The following CUEDC1 variants were observed in gnomAD, a reference collection of about 807,000 sequenced individuals.
The protein encoded by CUEDC1 is CUE domain-containing protein 1.
CUEDC1 carries 30 observed loss-of-function variants against 43.7 expected under a neutral mutation model. The observed-to-expected ratio is 0.69, with a 90% CI of 0.51 to 0.93. The LOEUF is 0.93. Ranked by LOEUF, CUEDC1 falls within the 40% of genes least tolerant of loss-of-function variation. The pLI is 0.00. For missense variants in CUEDC1, 486 were observed against 549.0 expected, an observed-to-expected ratio of 0.89 and a Z score of 1.15; for synonymous variants, 223 against 223.6, an observed-to-expected ratio of 1.00 and a Z score of 0.02.
rs1193598238 is a variant in CUEDC1, at chr17:57,870,711, C to CT, written c.868+574dup. ...TTTTTTTTGGAGACAGGGTCTCACTCTGTCACTCAAGCTGGAGTGCAGTGG... is the reference window on the plus strand; with the variant it reads ...TTTTTTTTGGAGACAGGGTCTCACTCTTGTCACTCAAGCTGGAGTGCAGTGG... On this transcript the variant is annotated intron_variant, in intron 6 of 10. Coordinates refer to ENST00000577830, the MANE Select transcript of CUEDC1 (RefSeq NM_001271875.2). Among the ~76,000 whole-genome samples the CT allele has an allele frequency of 5.3e-5, 8 of 150,980 alleles. No homozygotes were observed. The East Asian group carries it at 1.6e-3, about 29-fold the overall frequency.
chr17:57,884,826 CAGG>C (rs2074265001), intron 2 of CUEDC1, among the ~76,000 whole-genome samples: 1 of 152,218 alleles, frequency 6.6e-6, no homozygotes, highest in Non-Finnish European at 1.5e-5. Flanking sequence ...CTGTGAGCTC[CAGG>C]AGGGCAGAAA....
At chr17:57,863,794 G>A (rs751876178) in intron 10 of CUEDC1, among the ~76,000 whole-genome samples, 1 of 151,794 alleles carries the variant, frequency 6.6e-6, no homozygotes, top group Non-Finnish European at 1.5e-5. Context: ...CGAGGTCAGG[G>A]GTTTAAGACC....
At chr17:57,928,289 C>T (rs1453243755) in intron 1 of CUEDC1, among the ~76,000 whole-genome samples, 2 of 152,086 alleles carry the variant, frequency 1.3e-5, no homozygotes, top group African/African-American at 4.8e-5. Context: ...GTGGCTCACG[C>T]CTATAATCCC....
At chr17:57,942,233 T>C (rs2074923046) in intron 1 of CUEDC1, among the ~76,000 whole-genome samples, 1 of 152,086 alleles carries the variant, frequency 6.6e-6, no homozygotes, top group Admixed American at 6.5e-5. Context: ...TCTGAAGTCC[T>C]GAAAGAGAAC....
intron 1 of CUEDC1, among the ~76,000 whole-genome samples, chr17:57,897,901 G>T (rs549486132): frequency 1.3e-5 from 2 of 151,948 alleles, no homozygotes; most frequent in Non-Finnish European, 2.9e-5. Context: ...TAATCTCAGC[G>T]ACTCAGGAGG....
At chr17:57,867,462 C>T in intron 8 of CUEDC1, 47 bp from the exon 9 acceptor site, 1 of 1,498,420 alleles carries the variant, frequency 6.7e-7, no homozygotes, top group Non-Finnish European at 9.1e-7. Flanking sequence ...GGGGACACTG[C>T]CCTAGTCCTC....
chr17:57,900,658 T>C (rs1375791805), intron 1 of CUEDC1, among the ~76,000 whole-genome samples: 2 of 152,218 alleles, frequency 1.3e-5, no homozygotes, highest in Non-Finnish European at 2.9e-5. Context: ...CACCATTTTA[T>C]AGATAGATAC....
chr17:57,942,065 G>A (rs1303651463), intron 1 of CUEDC1, among the ~76,000 whole-genome samples: 6 of 152,076 alleles, frequency 3.9e-5, no homozygotes, highest in Non-Finnish European at 8.8e-5. Context: ...ACTTCCCTGG[G>A]GACCCCAGGC....
intron 1 of CUEDC1, among the ~76,000 whole-genome samples, chr17:57,890,290 G>C (rs2144979545): frequency 6.6e-6 from 1 of 152,318 alleles, no homozygotes. Flanking sequence ...CAGCCCAGAG[G>C]ACATTTCAGC....
intron 2 of CUEDC1, among the ~76,000 whole-genome samples, chr17:57,884,898 G>C (rs2074265956): frequency 6.6e-6 from 1 of 152,188 alleles, no homozygotes; most frequent in African/African-American, 2.4e-5. Context: ...AGTATGTTGG[G>C]GTGGGGCCCA....
chr17:57,947,596 C>T lies in CUEDC1; in HGVS notation c.-316+7629G>A, dbSNP rs543958282. On this transcript the variant is annotated intron_variant, in intron 1 of 10. Transcript: ENST00000577830. ...AGTGGATCTCTTGAGCTCAGGAGTT[C>T]GAGACCAGCCAGGCCAACATGGTGA... Among the ~76,000 whole-genome samples the T allele has an allele frequency of 3.3e-5, 5 of 152,174 alleles. No individual in the cohort carries two copies. In the East Asian group the frequency reaches 9.6e-4, roughly 29 times the overall value.
chr17:57,953,010 G>A (rs2075022606), intron 1 of CUEDC1, among the ~76,000 whole-genome samples: 2 of 152,172 alleles, frequency 1.3e-5, no homozygotes, highest in African/African-American at 2.4e-5. Context: ...CAGCCCTCTG[G>A]CCCCCACTTG....
chr17:57,937,347 A>G (rs2074872076), intron 1 of CUEDC1, among the ~76,000 whole-genome samples: 1 of 152,092 alleles, frequency 6.6e-6, no homozygotes, highest in Non-Finnish European at 1.5e-5. Flanking sequence ...GTGGTGGCTC[A>G]CACCTGTCAT....
intron 1 of CUEDC1, among the ~76,000 whole-genome samples, chr17:57,945,935 G>T (rs1399369229): frequency 6.6e-6 from 1 of 151,932 alleles, no homozygotes; most frequent in Non-Finnish European, 1.5e-5. Context: ...TGAGACAGGA[G>T]AATTACTTGA....
chr17:57,922,926 A>T (rs1427836367), intron 1 of CUEDC1, among the ~76,000 whole-genome samples: 1 of 150,254 alleles, frequency 6.7e-6, no homozygotes, highest in Non-Finnish European at 1.5e-5. Flanking sequence ...CCCAGGCTGC[A>T]GTACAGTGGC....
chr17:57,909,735 G>C (rs2074564287), intron 1 of CUEDC1, among the ~76,000 whole-genome samples: 1 of 152,242 alleles, frequency 6.6e-6, no homozygotes, highest in Non-Finnish European at 1.5e-5. Flanking sequence ...CAGGAGGAAG[G>C]ATGTCTTAAC....
At chr17:57,869,582 A>C (rs1455664107) in intron 6 of CUEDC1, among the ~76,000 whole-genome samples, 1 of 152,132 alleles carries the variant, frequency 6.6e-6, no homozygotes, top group Non-Finnish European at 1.5e-5. Context: ...TGAAACATTC[A>C]CCAGCACACC....
At chr17:57,936,919 C>A (rs1267798512) in intron 1 of CUEDC1, among the ~76,000 whole-genome samples, 3 of 151,778 alleles carry the variant, frequency 2.0e-5, no homozygotes, top group Non-Finnish European at 4.4e-5. Flanking sequence ...CTCCTGGGTT[C>A]AAGCGATTCT....
intron 1 of CUEDC1, among the ~76,000 whole-genome samples, chr17:57,918,519 C>T (rs897658260): frequency 2.0e-5 from 3 of 152,198 alleles, no homozygotes; most frequent in African/African-American, 7.2e-5. Context: ...AGAAGGGGGC[C>T]TTATCTATCT....
Sources: allele counts gnomAD v4.1 joint callset (sites outside exome capture counted in the v4.1 genomes callset), GRCh38; gene constraint gnomAD v4.1.1; transcripts MANE v1.5; gene names NCBI Gene and HGNC (gene_info 2026-07-23, HGNC 2026-07-21).